MAP3K13: variants seen among roughly 807,000 people sequenced by gnomAD.
MAP3K13 encodes the protein leucine zipper-bearing kinase.
In MAP3K13, 52 loss-of-function variants were observed where a neutral mutation model predicts 104.0. The ratio of observed to expected loss-of-function variants is 0.50; its 90% CI spans 0.40 to 0.63. The LOEUF (loss-of-function observed/expected upper bound fraction) is 0.63. Among genes scored for constraint, MAP3K13 ranks in the 20% least tolerant of loss-of-function variants. MAP3K13 has a pLI of 0.00. For synonymous variants in MAP3K13, 394 were observed against 442.2 expected (o/e 0.89, Z 1.37); for missense variants, 914 against 1,218.5 (o/e 0.75, Z 3.72).
chr3:185,311,616 G>A (rs76570584), intron 2 of MAP3K13, among the ~76,000 whole-genome samples: 7,313 of 152,178 alleles, frequency 0.048, 284 homozygotes, highest in Non-Finnish European at 0.067. Context: ...GCTCATCAAG[G>A]TTCCCTGATG....
chr3:185,323,766 G>GTT (rs1721948606), intron 2 of MAP3K13, among the ~76,000 whole-genome samples: 1 of 152,190 alleles, frequency 6.6e-6, no homozygotes, highest in Middle Eastern at 3.4e-3. Context: ...ACATGTGTAT[G>GTT]TTTTTAGTTA....
At chr3:185,305,697 C>T (rs1056387223) in intron 2 of MAP3K13, among the ~76,000 whole-genome samples, 1 of 152,132 alleles carries the variant, frequency 6.6e-6, no homozygotes, top group African/African-American at 2.4e-5. Context: ...TGAACTCCTT[C>T]AGCTTTTGAT....
At chr3:185,286,714 C>T (rs1720526625) in intron 2 of MAP3K13, among the ~76,000 whole-genome samples, 1 of 152,092 alleles carries the variant, frequency 6.6e-6, no homozygotes, top group Non-Finnish European at 1.5e-5. Context: ...ATAGAGCATA[C>T]ATTTATATAC....
Position 185,443,363 on chromosome 3 carries a change from G to T in MAP3K13, c.660-82G>T, listed in dbSNP as rs945444889. ...TTTAAAATAATTCGGGTATAGAATT[G>T]GTTTTTATTAAATATTCTTTAAATA... On this transcript the variant is annotated intron_variant, in intron 3 of 13. Transcript: ENST00000265026. 4 of 911,304 alleles carry T rather than the reference G, an allele frequency of 4.4e-6. No homozygotes were observed. The East Asian group carries it at 1.1e-4, about 25-fold the overall frequency. 56.5% of individuals were successfully genotyped at this position (911,304 alleles called of 1,614,324 possible). A position where few individuals can be genotyped will look rare whatever the true frequency, so the allele number is the denominator to read the frequency against.
In MAP3K13 at chr3:185,319,946, A is replaced by G. The variant is rs1018243252; in HGVS notation, c.-86+34303A>G. On this transcript the variant is annotated intron_variant, in intron 2 of 14. Transcript: ENST00000424227. ...ATTGTGAAAGCCACAGCTTAAGCGA[A>G]ATGAATTACTTATGAGAGCTGTAAT... is the stretch of plus-strand genomic sequence containing the variant. Among the ~76,000 whole-genome samples the G allele has an allele frequency of 9.2e-5, 14 of 152,342 alleles. 1 individual carries two copies. Among genetic ancestry groups the G allele is most frequent in the African/African-American group, 3.1e-4 (13 of 41,580 alleles).
At chr3:185,308,236 C>T (rs577055999) in intron 2 of MAP3K13, among the ~76,000 whole-genome samples, 3 of 151,960 alleles carry the variant, frequency 2.0e-5, no homozygotes, top group Non-Finnish European at 4.4e-5. Context: ...GTTGTATCTC[C>T]TCTGAACTGT....
At chr3:185,455,563 A>ATATATATGACATATATATCATATAT (rs1217413167) in intron 7 of MAP3K13, among the ~76,000 whole-genome samples, 1 of 18,358 alleles carries the variant, frequency 5.4e-5, no homozygotes, top group African/African-American at 1.4e-4. Context: ...GATATATATG[A>ATATATATGACATATATATCATATAT]GATATATATG....
intron 1 of MAP3K13, among the ~76,000 whole-genome samples, chr3:185,390,862 C>A (rs9823176): frequency 0.23 from 35,540 of 151,866 alleles, 4,553 homozygotes; most frequent in African/African-American, 0.34. Flanking sequence ...ACCTCATGAT[C>A]GGCCTGCCTC....
At chr3:185,318,485 A>C (rs1026548424) in intron 2 of MAP3K13, among the ~76,000 whole-genome samples, 1 of 152,266 alleles carries the variant, frequency 6.6e-6, no homozygotes. Flanking sequence ...GCAGTTATTC[A>C]TCCCTAGGCT....
intron 1 of MAP3K13, among the ~76,000 whole-genome samples, chr3:185,382,217 C>G (rs1040449530): frequency 9.8e-5 from 13 of 132,526 alleles, no homozygotes; most frequent in African/African-American, 3.7e-4. Flanking sequence ...AGATTAGCAA[C>G]AATAACTAAT....
chr3:185,422,425 A>G (rs1396043740), intron 1 of MAP3K13, among the ~76,000 whole-genome samples: 1 of 152,226 alleles, frequency 6.6e-6, no homozygotes, highest in Non-Finnish European at 1.5e-5. Flanking sequence ...CTGATCTCTT[A>G]AATATCAAAC....
intron 1 of MAP3K13, among the ~76,000 whole-genome samples, chr3:185,381,457 A>AT (rs1324538816): frequency 6.6e-6 from 1 of 152,214 alleles, no homozygotes; most frequent in African/African-American, 2.4e-5. Context: ...TTTTAAAGTC[A>AT]TTTGCAGACA....
At chr3:185,290,740 T>C (rs1005037278) in intron 2 of MAP3K13, among the ~76,000 whole-genome samples, 2 of 152,160 alleles carry the variant, frequency 1.3e-5, no homozygotes, top group African/African-American at 4.8e-5. Context: ...GTTGTGAGGA[T>C]TAAAGGAATT....
chr3:185,398,394 C>T (rs1712553327), intron 1 of MAP3K13, among the ~76,000 whole-genome samples: 1 of 152,164 alleles, frequency 6.6e-6, no homozygotes, highest in Non-Finnish European at 1.5e-5. Context: ...TGAGCAGCCT[C>T]TTATTCCCCA....
chr3:185,382,044 A>C (rs1378019585), intron 1 of MAP3K13, among the ~76,000 whole-genome samples: 1 of 152,214 alleles, frequency 6.6e-6, no homozygotes, highest in Admixed American at 6.5e-5. Context: ...CCAATAATAT[A>C]AAAAATGTAC....
At chr3:185,441,641 G>A (rs1715326074) in intron 3 of MAP3K13, among the ~76,000 whole-genome samples, 1 of 152,094 alleles carries the variant, frequency 6.6e-6, no homozygotes, top group Admixed American at 6.6e-5. Context: ...AGTAGCTCAC[G>A]CCTGTAATCC....
intron 1 of MAP3K13, chr3:185,417,376 T>C (rs148526119): frequency 6.5e-6 from 7 of 1,075,544 alleles, no homozygotes; most frequent in African/African-American, 4.7e-5. Flanking sequence ...AACACTGATA[T>C]ATGTTCTTTT....
intron 2 of MAP3K13, among the ~76,000 whole-genome samples, chr3:185,350,054 A>C (rs1271827036): frequency 6.6e-6 from 1 of 152,240 alleles, no homozygotes; most frequent in African/African-American, 2.4e-5. Flanking sequence ...TTTTTATAAG[A>C]ATTTAAAATA....
intron 7 of MAP3K13, among the ~76,000 whole-genome samples, chr3:185,456,846 C>A (rs1282654608): frequency 6.6e-6 from 1 of 152,142 alleles, no homozygotes; most frequent in African/African-American, 2.4e-5. Context: ...GGTGATCCAC[C>A]CACCTTGGCC....
Sources: allele counts gnomAD v4.1 joint callset (sites outside exome capture counted in the v4.1 genomes callset), GRCh38; gene constraint gnomAD v4.1.1; transcripts MANE v1.5; gene names NCBI Gene and HGNC (gene_info 2026-07-23, HGNC 2026-07-21).